Variants in SLC25A21 observed in about 807,000 individuals in gnomAD.
SLC25A21 encodes the protein mitochondrial 2-oxodicarboxylate carrier.
A neutral mutation model predicts 43.8 loss-of-function variants in SLC25A21; 47 were observed. That is an observed-to-expected ratio of 1.07 (90% CI 0.85 to 1.37). The LOEUF is 1.37. Among genes scored for constraint, SLC25A21 ranks in the 40% most tolerant of loss-of-function variants. The probability of loss-of-function intolerance (pLI) is 0.00; values close to 1 mark genes in which losing one functional copy is unlikely to be tolerated. For synonymous variants in SLC25A21, 131 were observed against 121.3 expected (o/e 1.08, Z -0.52); for missense variants, 352 against 350.2 (o/e 1.00, Z -0.04).
rs536034755 is a variant in SLC25A21, at chr14:36,899,338, C to T, written c.71-24334G>A. 3.9e-5 allele frequency among the ~76,000 whole-genome samples: 6 copies of T among 152,198 alleles called. No homozygotes were observed. The East Asian group carries it at 1.2e-3, about 29-fold the overall frequency. ...ACATTCTGGAAAGAGGATCCCAAAG[C>T]ATATCATGATGTCTAATAAAGGAAG... On this transcript the variant is annotated intron_variant, in intron 1 of 9. Transcript: ENST00000331299.
chr14:37,090,224 T>C (rs1283436512), intron 1 of SLC25A21, among the ~76,000 whole-genome samples: 1 of 152,240 alleles, frequency 6.6e-6, no homozygotes, highest in Non-Finnish European at 1.5e-5. Context: ...TGAAGACATA[T>C]GTTCCAGTCA....
chr14:36,958,822 C>T (rs1341261937), intron 1 of SLC25A21, among the ~76,000 whole-genome samples: 2 of 152,146 alleles, frequency 1.3e-5, no homozygotes, highest in Non-Finnish European at 2.9e-5. Flanking sequence ...GTGGACAGAA[C>T]CAGGCCTGCC....
At chr14:37,003,580 T>G (rs976763730) in intron 1 of SLC25A21, among the ~76,000 whole-genome samples, 1 of 152,220 alleles carries the variant, frequency 6.6e-6, no homozygotes, top group Non-Finnish European at 1.5e-5. Flanking sequence ...ACAGAAGTTA[T>G]AATGAATGAA....
At chr14:37,117,867 TG>T (rs1428376695) in intron 1 of SLC25A21, among the ~76,000 whole-genome samples, 72 of 16,830 alleles carry the variant, frequency 4.3e-3, no homozygotes, top group African/African-American at 7.5e-3. Flanking sequence ...TTTTTTTGTT[TG>T]TTTTTTTTTT....
At chr14:37,120,396 A>G (rs1385290155) in intron 1 of SLC25A21, among the ~76,000 whole-genome samples, 1 of 152,218 alleles carries the variant, frequency 6.6e-6, no homozygotes, top group Non-Finnish European at 1.5e-5. Flanking sequence ...CAAAAAGTAA[A>G]TATGACATGT....
chr14:36,885,421 C>T (rs1154132), intron 1 of SLC25A21, among the ~76,000 whole-genome samples: 16,161 of 152,088 alleles, frequency 0.11, 1,043 homozygotes, highest in South Asian at 0.2. Flanking sequence ...CATGTTTGCT[C>T]GAGGTTTGCT....
At chr14:36,912,825 A>G (rs1444872865) in intron 1 of SLC25A21, among the ~76,000 whole-genome samples, 1 of 152,152 alleles carries the variant, frequency 6.6e-6, no homozygotes, top group African/African-American at 2.4e-5. Flanking sequence ...CACACAATGG[A>G]TCACATTCAA....
intron 1 of SLC25A21, among the ~76,000 whole-genome samples, chr14:36,897,696 G>A (rs758576105): frequency 7.2e-5 from 11 of 152,190 alleles, no homozygotes; most frequent in East Asian, 1.9e-4. Flanking sequence ...TGATGGTGAC[G>A]TACAGATGGG....
intron 3 of SLC25A21, among the ~76,000 whole-genome samples, chr14:36,806,218 T>A (rs1888036788): frequency 6.6e-6 from 1 of 152,058 alleles, no homozygotes; most frequent in Non-Finnish European, 1.5e-5. Flanking sequence ...TTTTATTTAT[T>A]TTTACTTTTA....
chr14:36,905,296 CA>C (rs1891505281), intron 1 of SLC25A21, among the ~76,000 whole-genome samples: 2 of 152,194 alleles, frequency 1.3e-5, no homozygotes, highest in South Asian at 4.1e-4. Context: ...AACCTAATTG[CA>C]GGGGCCATTT....
intron 2 of SLC25A21, among the ~76,000 whole-genome samples, chr14:36,823,525 C>T (rs1421988072): frequency 6.6e-6 from 1 of 152,116 alleles, no homozygotes; most frequent in Non-Finnish European, 1.5e-5. Context: ...CCTGCACTGA[C>T]CTAGGCTGGC....
intron 3 of SLC25A21, among the ~76,000 whole-genome samples, chr14:36,753,175 T>C (rs532650179): frequency 2.6e-5 from 4 of 152,312 alleles, no homozygotes; most frequent in African/African-American, 4.8e-5. Context: ...GTGTGAATTA[T>C]TGAATGCCAC....
chr14:36,782,695 C>T (rs974806947), intron 3 of SLC25A21, among the ~76,000 whole-genome samples: 7 of 151,468 alleles, frequency 4.6e-5, no homozygotes, highest in Non-Finnish European at 8.8e-5. Context: ...AGTAAACTAT[C>T]GCAAGAACAA....
chr14:36,697,140 T>C (rs1253791031), intron 7 of SLC25A21, among the ~76,000 whole-genome samples: 3 of 152,248 alleles, frequency 2.0e-5, no homozygotes, highest in Non-Finnish European at 4.4e-5. Context: ...AAAGAACATC[T>C]TTATTTCTGC....
chr14:36,711,461 C>T lies in SLC25A21; in HGVS notation c.460G>A (p.Ala154Thr), dbSNP rs528542908. Residue 154 changes from alanine (A) to threonine (T), a missense_variant, in exon 7 of 10, where the codon GCA becomes ACA. By Grantham distance (58) the Ala-to-Thr change is moderately conservative. Coordinates refer to ENST00000331299, the MANE Select transcript of SLC25A21 (RefSeq NM_030631.4). ...CCTTCCTTCTTAATGATTTGTCTTG[C>T]ATAACCCACAGTGGATGGTTGCTGC... The part of the protein sequence containing the change: ...FAEQPSTVGY[A>T]RQIIKKEGWG... 5.6e-6 allele frequency: 9 copies of T among 1,613,992 alleles called. No individual in the cohort carries two copies. In the South Asian group the frequency reaches 6.6e-5, roughly 12 times the overall value.
At chr14:37,127,497 T>C (rs776051848) in intron 1 of SLC25A21, among the ~76,000 whole-genome samples, 1 of 152,252 alleles carries the variant, frequency 6.6e-6, no homozygotes, top group Non-Finnish European at 1.5e-5. Flanking sequence ...GTTAGATCCT[T>C]ATCTTTGACT....
intron 3 of SLC25A21, among the ~76,000 whole-genome samples, chr14:36,737,950 T>G (rs1885110448): frequency 6.6e-6 from 1 of 152,236 alleles, no homozygotes; most frequent in South Asian, 2.1e-4. Flanking sequence ...TTTGATTGTA[T>G]GAGATACTCA....
chr14:37,082,202 T>C (rs936075577), intron 1 of SLC25A21, among the ~76,000 whole-genome samples: 1 of 152,034 alleles, frequency 6.6e-6, no homozygotes, highest in Non-Finnish European at 1.5e-5. Context: ...TAGACATAAA[T>C]ATAGGAACAA....
intron 3 of SLC25A21, among the ~76,000 whole-genome samples, chr14:36,770,679 TA>T (rs1459093183): frequency 1.3e-5 from 2 of 152,188 alleles, no homozygotes; most frequent in African/African-American, 4.8e-5. Flanking sequence ...TGGTGAGGCA[TA>T]TAATCCCCTA....
Sources: allele counts gnomAD v4.1 joint callset (sites outside exome capture counted in the v4.1 genomes callset), GRCh38; gene constraint gnomAD v4.1.1; transcripts MANE v1.5; gene names NCBI Gene and HGNC (gene_info 2026-07-23, HGNC 2026-07-21).